The following ILF2 variants were observed in gnomAD, a reference collection of about 807,000 sequenced individuals.
ILF2 encodes interleukin enhancer-binding factor 2.
ILF2 carries 9 observed loss-of-function variants against 55.3 expected under a neutral mutation model. The ratio of observed to expected loss-of-function variants is 0.16; its 90% CI spans 0.10 to 0.28. The LOEUF (loss-of-function observed/expected upper bound fraction) is 0.28. ILF2 is among the 10% of genes least tolerant of loss of function. The pLI, the probability that ILF2 is intolerant of heterozygous loss-of-function variation, is 1.00. For missense variants in ILF2, 266 were observed against 474.9 expected, an observed-to-expected ratio of 0.56 and a Z score of 4.09; for synonymous variants, 151 against 161.8, an observed-to-expected ratio of 0.93 and a Z score of 0.50.
intron 8 of ILF2, 121 bp from the exon 9 acceptor site, chr1:153,664,595 G>T (rs781708593): frequency 8.8e-6 from 7 of 791,450 alleles, no homozygotes; most frequent in Non-Finnish European, 6.4e-6. Context: ...TCGCTCTGTT[G>T]TCCAGGCTGG....
intron 6 of ILF2, 46 bp from the exon 7 acceptor site, chr1:153,665,774 A>G (rs1198336997): frequency 6.9e-7 from 1 of 1,457,894 alleles, no homozygotes; most frequent in East Asian, 2.3e-5. Flanking sequence ...TTATTTGCCT[A>G]GACTTTCTAT....
At chr1:153,665,010 C>A (rs1669272963) in intron 8 of ILF2, among the ~76,000 whole-genome samples, 1 of 152,218 alleles carries the variant, frequency 6.6e-6, no homozygotes, top group African/African-American at 2.4e-5. Flanking sequence ...CAAATGCTTT[C>A]TTGGTCACCC....
chr1:153,662,930 C>T, intron 12 of ILF2, 89 bp downstream of exon 12: 2 of 1,341,742 alleles, frequency 1.5e-6, no homozygotes, highest in Non-Finnish European at 2.1e-6. Context: ...AAATTCCTGA[C>T]CCGTAAAGAC....
rs1172415874 is a variant in ILF2, at chr1:153,665,311, A to G, written c.486T>C (p.Thr162=). The G allele has an allele frequency of 2.5e-6, 4 of 1,612,696 alleles. No individual in the cohort carries two copies. Among genetic ancestry groups the G allele is most frequent in the Non-Finnish European group, 3.4e-6 (4 of 1,178,750 alleles). ...CATCAGAAGAACTGATTTCAAAGCC[A>G]GTTTCGTTGGTCAGCATGGTTAAAA... is the stretch of plus-strand genomic sequence containing the variant. ...SEVLTMLTNE[T]GFEISSSDAT... Residue 162 remains threonine (T), a synonymous_variant, in exon 8 of 14, where the codon ACT becomes ACC. Coordinates refer to ENST00000361891, the MANE Select transcript of ILF2 (RefSeq NM_004515.4).
intron 12 of ILF2, 36 bp from the exon 13 acceptor site, chr1:153,662,831 T>C (rs1272018913): frequency 6.4e-7 from 1 of 1,555,208 alleles, no homozygotes; most frequent in Admixed American, 1.7e-5. Flanking sequence ...GCAAGGAAAA[T>C]CAAAGGACCT....
intron 6 of ILF2, among the ~76,000 whole-genome samples, chr1:153,666,878 T>C (rs1669321421): frequency 6.6e-6 from 1 of 152,130 alleles, no homozygotes; most frequent in African/African-American, 2.4e-5. Flanking sequence ...TCCCAACACT[T>C]TGGGAGGCCA....
chr1:153,665,687 G>A lies in ILF2; in HGVS notation c.436C>T (p.Leu146=), dbSNP rs1434363407. The change falls in exon 7 of 14, where the codon CTA becomes TTA. Residue 146 remains leucine, a synonymous_variant. Transcript: ENST00000361891. ...AALGNKVVES[L]RAQDPSEVLT... ...CCTTCAGAAGGATCCTGTGCTCTTA[G>A]GCTTTCCACGACTTTGTTCCCCAGG... 1 of 1,613,416 alleles carries A rather than the reference G, an allele frequency of 6.2e-7. No homozygotes were observed. Among genetic ancestry groups the A allele is most frequent in the African/African-American group, 1.3e-5 (1 of 74,880 alleles).
chr1:153,662,762 G>A lies in ILF2; in HGVS notation c.955C>T (p.Arg319Ter), dbSNP rs914716515. The A allele has an allele frequency of 1.2e-6, 2 of 1,614,138 alleles. No individual in the cohort carries two copies. Among genetic ancestry groups the A allele is most frequent in the Non-Finnish European group, 1.7e-6 (2 of 1,180,014 alleles). ...MVCYTAQTLV[R>*]ILSHGGFRKI... ...CTAAAGCCACCATGTGAGAGGATTC[G>A]GACGAGAGTCTGAGCTGTATAGCAG... is the stretch of plus-strand genomic sequence containing the variant. Residue 319 changes from arginine (R) to a stop codon, truncating the protein, a stop_gained, in exon 13 of 14, where the codon CGA becomes TGA. Coordinates refer to ENST00000361891, the MANE Select transcript of ILF2 (RefSeq NM_004515.4). LOFTEE classifies it high-confidence loss of function.
At chr1:153,662,843 A>T (rs1003278680) in intron 12 of ILF2, 48 bp from the exon 13 acceptor site, 1 of 1,482,296 alleles carries the variant, frequency 6.7e-7, no homozygotes, top group African/African-American at 1.4e-5. Context: ...AAAGGACCTT[A>T]TTTGAGTAAT....
intron 6 of ILF2, among the ~76,000 whole-genome samples, chr1:153,666,988 G>A (rs749576068): frequency 4.6e-5 from 7 of 152,270 alleles, no homozygotes; most frequent in Middle Eastern, 3.4e-3. Context: ...CTGGCATGGT[G>A]GCACTTGCCT....
At position 153,670,961 on chromosome 1, in the gene ILF2, GC is replaced by G; in HGVS notation, c.-40del. On this transcript the variant is annotated 5_prime_UTR_variant, in exon 1 of 14. Transcript: ENST00000361891. ...ACGAACAATGGAGGCCGCACCAACC[GC>G]CCCTTCCTCTGAGTAGCAGACAACT... 1 of 1,613,832 alleles carries G rather than the reference GC, an allele frequency of 6.2e-7. No individual in the cohort carries two copies. The highest frequency in any genetic ancestry group is 8.5e-7 in the Non-Finnish European group (1 of 1,179,770).
rs769296264 is a variant in ILF2 at position 153,662,192 on chromosome 1, A to G, written c.*204T>C. On this transcript the variant is annotated 3_prime_UTR_variant, in exon 14 of 14. Transcript: ENST00000361891. ...GGAAGAAATGTTGGTATCCTCCATTATAGATGGATGGCATAGGTCACAAAT... is the reference window on the plus strand; with the variant it reads ...GGAAGAAATGTTGGTATCCTCCATTGTAGATGGATGGCATAGGTCACAAAT... 1.1e-4 allele frequency: 67 copies of G among 588,708 alleles called. No individual in the cohort carries two copies. Among genetic ancestry groups the G allele is most frequent in the Non-Finnish European group, 1.6e-4 (54 of 334,204 alleles). The allele number at this position is 588,708 out of a possible 1,614,324, so 36.5% of individuals were successfully genotyped here.
rs1669344005 is a variant in ILF2, at chr1:153,667,577, C to T, written c.372G>A (p.Val124=). The change falls in exon 6 of 14, where the codon GTG becomes GTA. Residue 124 remains valine, a synonymous_variant. Coordinates refer to ENST00000361891, the MANE Select transcript of ILF2 (RefSeq NM_004515.4). ...TTGHNVADLV[V]ILKILPTLEA... ...CACACGTTGGCAGAATCTTGAGTAT[C>T]ACCACCAGGTCAGCCACATTGTGTC... The T allele has an allele frequency of 5.6e-6, 9 of 1,612,734 alleles. No individual in the cohort carries two copies. Among genetic ancestry groups the T allele is most frequent in the Non-Finnish European group, 8.5e-7 (1 of 1,178,702 alleles).
In ILF2 at chr1:153,668,053, T is replaced by C; in HGVS notation, c.238A>G (p.Lys80Glu). Residue 80 changes from lysine to glutamate, a missense_variant, in exon 5 of 14, where the codon AAA (lysine) becomes GAA (glutamate). Coordinates refer to ENST00000361891, the MANE Select transcript of ILF2 (RefSeq NM_004515.4). ...EQASILSLVT[K>E]INNVIDNLIV... ...AGATTATCAATCACATTGTTTATTT[T>C]TGTCACCAGAGAAAGGATAGATGCC... The C allele has an allele frequency of 6.2e-7, 1 of 1,611,308 alleles. No individual in the cohort carries two copies. Among genetic ancestry groups the C allele is most frequent in the Non-Finnish European group, 8.5e-7 (1 of 1,178,680 alleles).
At chr1:153,668,145 T>C in intron 4 of ILF2, 68 bp from the exon 5 acceptor site, 1 of 1,203,166 alleles carries the variant, frequency 8.3e-7, no homozygotes. Flanking sequence ...ATTTGAATAT[T>C]TTCTCCTAAT....
intron 7 of ILF2, 76 bp from the exon 8 acceptor site, chr1:153,665,412 G>A (rs1669281071): frequency 3.1e-6 from 3 of 974,518 alleles, no homozygotes; most frequent in Non-Finnish European, 5.0e-6. Flanking sequence ...GGGTGGGGGG[G>A]AACAGGTGGA....
intron 5 of ILF2, 93 bp downstream of exon 5, chr1:153,667,904 GGAT>G (rs1669352851): frequency 1.1e-6 from 1 of 890,104 alleles, no homozygotes; most frequent in Non-Finnish European, 1.8e-6. Flanking sequence ...GCTTGGCTTT[GGAT>G]AATAGACAAC....
intron 8 of ILF2, among the ~76,000 whole-genome samples, chr1:153,664,783 C>T (rs1418280980): frequency 6.6e-6 from 1 of 152,192 alleles, no homozygotes; most frequent in Non-Finnish European, 1.5e-5. Context: ...GTCTCCAACT[C>T]CTGACCTCAG....
At chr1:153,667,699 A>G (rs1269308914) in intron 5 of ILF2, 42 bp from the exon 6 acceptor site, 40 of 1,396,936 alleles carry the variant, frequency 2.9e-5, no homozygotes, top group South Asian at 9.7e-5. Context: ...TTTAGAAGAA[A>G]AAAAGGTGCC....
Sources: allele counts gnomAD v4.1 joint callset (sites outside exome capture counted in the v4.1 genomes callset), GRCh38; gene constraint gnomAD v4.1.1; transcripts MANE v1.5; gene names NCBI Gene and HGNC (gene_info 2026-07-23, HGNC 2026-07-21).